The following WWOX variants were observed in gnomAD, a reference collection of about 807,000 sequenced individuals.
WWOX encodes the protein WW domain containing oxidoreductase, also known as WW domain-containing oxidoreductase.
A neutral mutation model predicts 46.2 loss-of-function variants in WWOX; 69 were observed. The ratio of observed to expected loss-of-function variants is 1.49; its 90% confidence interval spans 1.23 to 1.82. WWOX has a LOEUF of 1.82. WWOX is among the 40% of genes most tolerant of loss of function. The pLI, the probability that WWOX is intolerant of heterozygous loss-of-function variation, is 0.00. For missense variants in WWOX, 919 were observed against 542.6 expected, an observed-to-expected ratio of 1.69 and a Z score of -6.89; for synonymous variants, 359 against 202.6, an observed-to-expected ratio of 1.77 and a Z score of -6.56.
intron 8 of WWOX, among the ~76,000 whole-genome samples, chr16:78,457,970 C>T (rs867822870): frequency 4.2e-4 from 62 of 149,332 alleles, no homozygotes; most frequent in African/African-American, 1.4e-3. Flanking sequence ...CACAGCTATC[C>T]AGAGGCTGAG....
intron 8 of WWOX, 91 bp from the exon 9 acceptor site, chr16:79,211,517 G>A: frequency 4.6e-6 from 7 of 1,530,060 alleles, no homozygotes; most frequent in South Asian, 2.3e-5. Flanking sequence ...CCAGGTGGGG[G>A]AGGCCTGCTA....
At chr16:78,877,948 C>G (rs994569515) in intron 8 of WWOX, among the ~76,000 whole-genome samples, 1 of 152,186 alleles carries the variant, frequency 6.6e-6, no homozygotes, top group South Asian at 2.1e-4. Context: ...CAGGTCTGTT[C>G]AATTGCAAAT....
intron 8 of WWOX, among the ~76,000 whole-genome samples, chr16:79,035,105 C>T (rs763121732): frequency 4.6e-5 from 7 of 152,130 alleles, no homozygotes; most frequent in Non-Finnish European, 8.8e-5. Context: ...AATAAATACA[C>T]TTTTTTCAAG....
At chr16:78,424,238 C>T (rs901905908) in intron 6 of WWOX, among the ~76,000 whole-genome samples, 2 of 151,444 alleles carry the variant, frequency 1.3e-5, no homozygotes, top group African/African-American at 4.9e-5. Context: ...CGGCCTCAGC[C>T]TCCTGAGTAA....
intron 8 of WWOX, chr16:78,898,237 T>G (rs2044746600): frequency 6.6e-6 from 1 of 152,134 alleles, no homozygotes; most frequent in Non-Finnish European, 1.5e-5. Context: ...ACAAAAATAT[T>G]TTCCTATGTT....
chr16:78,368,944 TC>T (rs2151919409), intron 5 of WWOX, among the ~76,000 whole-genome samples: 2 of 152,256 alleles, frequency 1.3e-5, no homozygotes, highest in South Asian at 4.1e-4. Flanking sequence ...TCTCTACTGC[TC>T]CTCATAGACT....
chr16:78,915,508 C>T (rs1027096195), intron 8 of WWOX, among the ~76,000 whole-genome samples: 3 of 152,108 alleles, frequency 2.0e-5, no homozygotes, highest in African/African-American at 2.4e-5. Context: ...CACAGAATGT[C>T]GCATGCAGAT....
intron 5 of WWOX, among the ~76,000 whole-genome samples, chr16:78,369,264 G>A (rs2081609271): frequency 6.6e-6 from 1 of 151,960 alleles, no homozygotes; most frequent in South Asian, 2.1e-4. Flanking sequence ...AAAAGATAGT[G>A]AAGAATATTG....
At chr16:78,319,552 GTCTTAA>G (rs1471772074) in intron 5 of WWOX, among the ~76,000 whole-genome samples, 4 of 152,274 alleles carry the variant, frequency 2.6e-5, no homozygotes, top group East Asian at 3.9e-4. Context: ...CCCTGCTGAT[GTCTTAA>G]TCTTAGCCCC....
intron 5 of WWOX, among the ~76,000 whole-genome samples, chr16:78,334,535 G>GT (rs150438877): frequency 0.011 from 1,648 of 152,160 alleles, 38 homozygotes; most frequent in African/African-American, 0.038. Context: ...TTTTAATGCT[G>GT]TTTTTCCAGC....
chr16:78,587,347 T>C (rs1170407557), intron 8 of WWOX, among the ~76,000 whole-genome samples: 1 of 151,990 alleles, frequency 6.6e-6, no homozygotes, highest in East Asian at 1.9e-4. Context: ...TAGTATTCTT[T>C]ACATTTTTAA....
In WWOX at chr16:78,658,215, C is replaced by T. The variant is rs186334304; in HGVS notation, c.1056+225463C>T. 5.9e-5 allele frequency among the ~76,000 whole-genome samples: 9 copies of T among 152,278 alleles called. No individual in the cohort carries two copies. In the East Asian group the frequency reaches 1.7e-3, roughly 29 times the overall value. The stretch of plus-strand genomic sequence containing the variant: ...CAAAATCACCCCTGGATGAGAACCC[C>T]TGCTTTATCCTCTTACAGTTTTGGT... On this transcript the variant is annotated intron_variant, in intron 8 of 8. Coordinates refer to ENST00000566780, the MANE Select transcript of WWOX (RefSeq NM_016373.4).
intron 8 of WWOX, among the ~76,000 whole-genome samples, chr16:78,793,457 A>G (rs1035677726): frequency 6.6e-6 from 1 of 152,010 alleles, no homozygotes; most frequent in African/African-American, 2.4e-5. Flanking sequence ...GACTTTCCTC[A>G]TTTTTTATCC....
Position 78,513,167 on chromosome 16 carries a change from A to C in WWOX, c.1056+80415A>C, listed in dbSNP as rs527947373. ...GAATTTTGATGATAGCATTAAAACA[A>C]ATGCCTCAAATCATTTTTGGAAGGA... On this transcript the variant is annotated intron_variant, in intron 8 of 8. Coordinates refer to ENST00000566780, the MANE Select transcript of WWOX (RefSeq NM_016373.4). Among the ~76,000 whole-genome samples the C allele has an allele frequency of 2.0e-5, 3 of 152,356 alleles. No individual in the cohort carries two copies. In the East Asian group the frequency reaches 5.8e-4, roughly 29 times the overall value.
At chr16:78,125,674 C>A (rs768545766) in intron 4 of WWOX, among the ~76,000 whole-genome samples, 1 of 152,134 alleles carries the variant, frequency 6.6e-6, no homozygotes, top group East Asian at 1.9e-4. Context: ...GCAGCCTGGG[C>A]AACATAGCAA....
At chr16:78,280,803 A>G (rs547065066) in intron 5 of WWOX, 1 of 152,364 alleles carries the variant, frequency 6.6e-6, no homozygotes, top group South Asian at 2.1e-4. Flanking sequence ...AAGTGATAAT[A>G]AAATATAAAA....
chr16:78,479,631 G>A (rs1413496951), intron 8 of WWOX, among the ~76,000 whole-genome samples: 1 of 152,156 alleles, frequency 6.6e-6, no homozygotes, highest in Non-Finnish European at 1.5e-5. Context: ...TGCCTCCAAG[G>A]AGGAAACTGT....
intron 5 of WWOX, among the ~76,000 whole-genome samples, chr16:78,317,488 C>A (rs543938469): frequency 7.9e-5 from 12 of 152,148 alleles, no homozygotes; most frequent in Non-Finnish European, 1.5e-4. Context: ...AGTATTCAGG[C>A]TGAGAAACCA....
At chr16:78,897,529 T>C (rs1220339367) in intron 8 of WWOX, 1 of 152,170 alleles carries the variant, frequency 6.6e-6, no homozygotes, top group Non-Finnish European at 1.5e-5. Flanking sequence ...TGCTGGATAG[T>C]ATCCTGTGGT....
Sources: gnomAD v4.1 joint callset for allele counts (sites outside exome capture counted in the v4.1 genomes callset) on GRCh38, gnomAD v4.1.1 for gene constraint, MANE v1.5 for transcripts, NCBI Gene and HGNC (gene_info 2026-07-23, HGNC 2026-07-21) for gene names.